The following SMOC1 variants were observed in gnomAD, a reference collection of about 807,000 sequenced individuals.
SMOC1 encodes the protein SPARC related modular calcium binding 1, also known as SPARC-related modular calcium-binding protein 1.
SMOC1 carries 22 observed loss-of-function variants against 56.3 expected under a neutral mutation model. That is an observed-to-expected ratio of 0.39 (90% confidence interval 0.28 to 0.56). The LOEUF (loss-of-function observed/expected upper bound fraction) is 0.56, where lower values mean the gene tolerates loss of function less well. Among genes scored for constraint, SMOC1 ranks in the 20% least tolerant of loss-of-function variants. The probability of loss-of-function intolerance (pLI) is 0.61; values close to 1 mark genes in which losing one functional copy is unlikely to be tolerated. For missense variants in SMOC1, 509 were observed against 565.4 expected (o/e 0.90, Z 1.01); for synonymous variants, 193 against 215.0 (o/e 0.90, Z 0.89).
At chr14:69,929,584 G>A (rs534009678) in intron 1 of SMOC1, among the ~76,000 whole-genome samples, 1 of 152,188 alleles carries the variant, frequency 6.6e-6, no homozygotes, top group South Asian at 2.1e-4. Context: ...AGACATTGGG[G>A]TGTTTTAGAG....
intron 3 of SMOC1, among the ~76,000 whole-genome samples, chr14:69,953,885 G>C (rs1883095167): frequency 6.6e-6 from 1 of 152,104 alleles, no homozygotes; most frequent in African/African-American, 2.4e-5. Flanking sequence ...CAGTTTCCAT[G>C]GGCAACCCTG....
chr14:69,968,280 C>T (rs997938741), intron 3 of SMOC1, among the ~76,000 whole-genome samples: 48 of 152,198 alleles, frequency 3.2e-4, no homozygotes, highest in African/African-American at 1.1e-3. Context: ...GTTAGAAATG[C>T]AAATGCTCCA....
rs1483189827 is a variant in SMOC1 at position 70,032,282 on chromosome 14, G to A, written c.*2024G>A. ...CTCCCACAGGATCGTGTGTGTAGGT[G>A]GTGTTGTGTGGTTTTCCTTTGTGAA... On this transcript the variant is annotated 3_prime_UTR_variant, in exon 12 of 12. Transcript: ENST00000361956. 1 of 152,256 alleles carries A rather than the reference G, an allele frequency of 6.6e-6. No homozygotes were observed. Among genetic ancestry groups the A allele is most frequent in the Non-Finnish European group, 1.5e-5 (1 of 68,046 alleles). 9.4% of individuals were successfully genotyped at this position (152,256 alleles called of 1,614,324 possible).
In SMOC1 at chr14:69,890,216, T is replaced by C. The variant is rs144105393; in HGVS notation, c.99+10439T>C. Among the ~76,000 whole-genome samples, 232 of 152,362 alleles carry C rather than the reference T, an allele frequency of 1.5e-3. 1 individual carries two copies. The highest frequency in any genetic ancestry group is 2.6e-3 in the Non-Finnish European group (175 of 68,032). Reference sequence around the variant, plus strand: ...TTAATGATGAAGTCGCTTAATTTTCTTTATAGACTCCATCCTGCCCGAAAG... The same window carrying C: ...TTAATGATGAAGTCGCTTAATTTTCCTTATAGACTCCATCCTGCCCGAAAG... On this transcript the variant is annotated intron_variant, in intron 1 of 11. Transcript: ENST00000361956.
At chr14:69,960,874 G>A (rs1003722077) in intron 3 of SMOC1, among the ~76,000 whole-genome samples, 6 of 152,234 alleles carry the variant, frequency 3.9e-5, no homozygotes, top group African/African-American at 1.4e-4. Flanking sequence ...CCGGCCACCT[G>A]TTTTTATTTA....
At chr14:69,906,447 C>T (rs897691315) in intron 1 of SMOC1, among the ~76,000 whole-genome samples, 9 of 152,184 alleles carry the variant, frequency 5.9e-5, no homozygotes, top group African/African-American at 2.2e-4. Flanking sequence ...CATCAACTGC[C>T]AGGTGTGAGT....
intron 8 of SMOC1, among the ~76,000 whole-genome samples, 178 bp downstream of exon 8, chr14:70,011,124 C>A (rs1238491044): frequency 1.3e-5 from 2 of 152,176 alleles, no homozygotes; most frequent in Admixed American, 6.5e-5. Flanking sequence ...TGGTCACAGG[C>A]CTGTCTCTTT....
At chr14:69,918,719 A>G (rs554185088) in intron 1 of SMOC1, among the ~76,000 whole-genome samples, 98 of 152,340 alleles carry the variant, frequency 6.4e-4, no homozygotes, top group African/African-American at 1.9e-3. Flanking sequence ...TTAACATGTT[A>G]GACACCTAGA....
At position 70,017,680 on chromosome 14, in the gene SMOC1, T is replaced by C. The variant is rs1488316432; in HGVS notation, c.1046+4189T>C. 2.6e-5 allele frequency among the ~76,000 whole-genome samples: 4 copies of C among 152,154 alleles called. No homozygotes were observed. The East Asian group carries it at 7.7e-4, about 29-fold the overall frequency. On this transcript the variant is annotated intron_variant, in intron 10 of 11. Coordinates refer to ENST00000361956, the MANE Select transcript of SMOC1 (RefSeq NM_001034852.3). ...ATGGAGATGTTGGCTTTGCATCAGC[T>C]CTCACGTTTCAACCCGCCCCTGGTA...
chr14:70,023,178 GT>G, intron 10 of SMOC1, 24 bp from the exon 11 acceptor site: 2 of 1,613,966 alleles, frequency 1.2e-6, no homozygotes, highest in Non-Finnish European at 1.7e-6. Flanking sequence ...GTTCTCTGCG[GT>G]GGGGGTGTTT....
chr14:69,977,836 A>G (rs1884023785), intron 4 of SMOC1, 82 bp from the exon 5 acceptor site: 1 of 1,047,066 alleles, frequency 9.6e-7, no homozygotes, highest in Admixed American at 1.7e-5. Context: ...TGCTCATAAC[A>G]TCAGGTTTTG....
chr14:69,949,688 A>G (rs1882923237), intron 1 of SMOC1, among the ~76,000 whole-genome samples: 1 of 152,206 alleles, frequency 6.6e-6, no homozygotes, highest in Non-Finnish European at 1.5e-5. Context: ...GCCTGGAAGT[A>G]GCAGCAGAGG....
intron 11 of SMOC1, among the ~76,000 whole-genome samples, chr14:70,025,106 T>G (rs1027726170): frequency 4.0e-5 from 6 of 151,798 alleles, no homozygotes; most frequent in Non-Finnish European, 5.9e-5. Flanking sequence ...TATAGAGGGA[T>G]GTAGAGGGTG....
chr14:69,990,839 A>G (rs1884540419), intron 5 of SMOC1, among the ~76,000 whole-genome samples: 1 of 152,140 alleles, frequency 6.6e-6, no homozygotes, highest in Non-Finnish European at 1.5e-5. Flanking sequence ...GGCTTCTGCA[A>G]GAGTTGGGTC....
At chr14:69,899,652 A>T (rs1291715194) in intron 1 of SMOC1, among the ~76,000 whole-genome samples, 1 of 152,020 alleles carries the variant, frequency 6.6e-6, no homozygotes, top group Non-Finnish European at 1.5e-5. Flanking sequence ...TGGCAAGGAG[A>T]TTTTTCTTTG....
chr14:69,936,832 G>C (rs1249478491), intron 1 of SMOC1, among the ~76,000 whole-genome samples: 1 of 152,160 alleles, frequency 6.6e-6, no homozygotes, highest in Non-Finnish European at 1.5e-5. Context: ...TTCAGAGACA[G>C]TCACTATTAA....
intron 1 of SMOC1, among the ~76,000 whole-genome samples, chr14:69,939,179 G>A (rs1030768330): frequency 6.6e-6 from 1 of 152,152 alleles, no homozygotes; most frequent in African/African-American, 2.4e-5. Context: ...CCCAAGACTG[G>A]GTCATTTATA....
chr14:69,968,292 A>G (rs112982180), intron 3 of SMOC1, among the ~76,000 whole-genome samples: 1 of 152,224 alleles, frequency 6.6e-6, no homozygotes, highest in African/African-American at 2.4e-5. Flanking sequence ...AATGCTCCAG[A>G]TGACTCCAGA....
At position 69,879,549 on chromosome 14, in the gene SMOC1, C is replaced by G. The variant is rs936253763; in HGVS notation, c.-130C>G. 6 of 636,792 alleles carry G rather than the reference C, an allele frequency of 9.4e-6. 1 individual carries two copies. The South Asian group carries it at 1.8e-4, about 19-fold the overall frequency. The allele number at this position is 636,792 out of a possible 1,614,324, so 39.4% of individuals were successfully genotyped here. On this transcript the variant is annotated 5_prime_UTR_variant, in exon 1 of 12. Transcript: ENST00000361956. Reference sequence around the variant, plus strand: ...CCTGACCGCAGCCTCTGCGAGCCCCCGCCGCAGGACCACGGCCCGCTCCCC... The same window carrying G: ...CCTGACCGCAGCCTCTGCGAGCCCCGGCCGCAGGACCACGGCCCGCTCCCC...
Sources: gnomAD v4.1 joint callset for allele counts (sites outside exome capture counted in the v4.1 genomes callset) on GRCh38, gnomAD v4.1.1 for gene constraint, MANE v1.5 for transcripts, NCBI Gene and HGNC (gene_info 2026-07-23, HGNC 2026-07-21) for gene names.